The following RAB38 variants were observed in gnomAD, a reference collection of about 807,000 sequenced individuals.
RAB38 encodes the protein RAB38, member RAS oncogene family.
A neutral mutation model predicts 18.4 loss-of-function variants in RAB38; 15 were observed. The ratio of observed to expected loss-of-function variants is 0.82; its 90% CI spans 0.55 to 1.26. The LOEUF (loss-of-function observed/expected upper bound fraction) is 1.26. RAB38 is among the 50% of genes most tolerant of loss of function. The probability of loss-of-function intolerance (pLI) is 0.00; values close to 1 mark genes in which losing one functional copy is unlikely to be tolerated. For synonymous variants in RAB38, 101 were observed against 104.4 expected (o/e 0.97, Z 0.20); for missense variants, 294 against 267.4 (o/e 1.10, Z -0.69).
At chr11:87,869,676 A>G in the RAB38 span, among the ~76,000 whole-genome samples, 1 of 151,680 alleles carries the variant, frequency 6.6e-6, no homozygotes, top group African/African-American at 2.4e-5. Context: ...GGTTCTTTCA[A>G]GAGTATCCCA....
chr11:88,005,981 A>G, the RAB38 span, among the ~76,000 whole-genome samples: 1 of 151,576 alleles, frequency 6.6e-6, no homozygotes, highest in Non-Finnish European at 1.5e-5. Flanking sequence ...TGACAGAGCC[A>G]TGCTGTTTTA....
At chr11:88,070,563 A>G in the RAB38 span, among the ~76,000 whole-genome samples, 2 of 152,248 alleles carry the variant, frequency 1.3e-5, no homozygotes, top group Non-Finnish European at 2.9e-5. Context: ...ACATGGCAGG[A>G]AATGTTTCCT....
chr11:87,838,106 T>C, the RAB38 span, among the ~76,000 whole-genome samples: 1 of 148,408 alleles, frequency 6.7e-6, no homozygotes, highest in African/African-American at 2.5e-5. Flanking sequence ...ATTCTTTTTT[T>C]ATTTTTATTT....
the RAB38 span, among the ~76,000 whole-genome samples, chr11:88,014,641 T>A: frequency 6.6e-6 from 1 of 152,230 alleles, no homozygotes; most frequent in East Asian, 1.9e-4. Context: ...ATACCTACCC[T>A]GCTGGCAAGG....
the RAB38 span, among the ~76,000 whole-genome samples, chr11:88,076,785 T>A: frequency 1.6e-5 from 2 of 123,970 alleles, no homozygotes; most frequent in Non-Finnish European, 3.6e-5. Flanking sequence ...CCATCTCTAC[T>A]TAAAATACAA....
chr11:88,009,520 A>C, the RAB38 span, among the ~76,000 whole-genome samples: 307 of 152,286 alleles, frequency 2.0e-3, no homozygotes, highest in African/African-American at 7.2e-3. Flanking sequence ...AAAGGCATAG[A>C]CAGAAACCAC....
At chr11:87,832,728 T>C in the RAB38 span, among the ~76,000 whole-genome samples, 1 of 152,108 alleles carries the variant, frequency 6.6e-6, no homozygotes, top group Non-Finnish European at 1.5e-5. Flanking sequence ...GTGGAGAGTG[T>C]ACTCTCCTTT....
chr11:87,847,374 G>A, the RAB38 span, among the ~76,000 whole-genome samples: 2 of 151,766 alleles, frequency 1.3e-5, no homozygotes, highest in South Asian at 4.2e-4. Flanking sequence ...AACAACTTTG[G>A]ACTAACAAAT....
At chr11:88,056,086 C>A in the RAB38 span, among the ~76,000 whole-genome samples, 1 of 151,992 alleles carries the variant, frequency 6.6e-6, no homozygotes, top group East Asian at 1.9e-4. Flanking sequence ...TTATTTTTAG[C>A]TCTCCTCTGG....
At chr11:87,921,162 G>A in the RAB38 span, among the ~76,000 whole-genome samples, 1 of 152,042 alleles carries the variant, frequency 6.6e-6, no homozygotes, top group Non-Finnish European at 1.5e-5. Flanking sequence ...ACTACAGACA[G>A]TTTCTGACTT....
intron 2 of RAB38, among the ~76,000 whole-genome samples, chr11:88,139,593 C>G (rs1942880791): frequency 6.6e-6 from 1 of 152,158 alleles, no homozygotes; most frequent in South Asian, 2.1e-4. Flanking sequence ...TCAGAGAATA[C>G]TTGGAGAATG....
At chr11:87,847,181 A>C in the RAB38 span, among the ~76,000 whole-genome samples, 1 of 152,182 alleles carries the variant, frequency 6.6e-6, no homozygotes, top group South Asian at 2.1e-4. Context: ...TGATATTGAA[A>C]AGAACAGATG....
the RAB38 span, among the ~76,000 whole-genome samples, chr11:88,019,956 T>A: frequency 2.0e-5 from 3 of 152,168 alleles, no homozygotes; most frequent in Non-Finnish European, 4.4e-5. Context: ...TTCTCTCTAA[T>A]TCAGCACTGT....
the RAB38 span, among the ~76,000 whole-genome samples, chr11:87,805,754 CA>C: frequency 6.6e-6 from 1 of 151,524 alleles, no homozygotes; most frequent in Non-Finnish European, 1.5e-5. Flanking sequence ...TATACACATA[CA>C]TATATGTGTG....
the RAB38 span, among the ~76,000 whole-genome samples, chr11:87,803,936 CTCTT>C: frequency 4.6e-5 from 7 of 152,236 alleles, no homozygotes; most frequent in African/African-American, 1.7e-4. Context: ...GCCATACTTT[CTCTT>C]TCTCTTTGAT....
chr11:88,005,078 T>C, the RAB38 span, among the ~76,000 whole-genome samples: 4 of 151,456 alleles, frequency 2.6e-5, no homozygotes, highest in African/African-American at 4.8e-5. Flanking sequence ...GAATCTAATG[T>C]AATCCTAAAC....
At chr11:88,045,472 C>T in the RAB38 span, among the ~76,000 whole-genome samples, 46 of 152,202 alleles carry the variant, frequency 3.0e-4, no homozygotes, top group Admixed American at 1.1e-3. Context: ...CTACAAGTGC[C>T]GGAAATCTGG....
the RAB38 span, among the ~76,000 whole-genome samples, chr11:87,927,252 C>T: frequency 3.3e-5 from 5 of 152,002 alleles, no homozygotes; most frequent in Non-Finnish European, 4.4e-5. Flanking sequence ...TATATTCCTA[C>T]ACCCCAGTAT....
At chr11:87,974,387 A>G in the RAB38 span, among the ~76,000 whole-genome samples, 67 of 151,918 alleles carry the variant, frequency 4.4e-4, no homozygotes, top group African/African-American at 1.5e-3. Flanking sequence ...GCTTAACAGC[A>G]GATTTGATAT....
Sources: gnomAD v4.1 joint callset for allele counts (sites outside exome capture counted in the v4.1 genomes callset) on GRCh38, gnomAD v4.1.1 for gene constraint, MANE v1.5 for transcripts, NCBI Gene and HGNC (gene_info 2026-07-23, HGNC 2026-07-21) for gene names.